The following CACNG2 variants were observed in gnomAD, a reference collection of about 807,000 sequenced individuals.
CACNG2 encodes the protein calcium voltage-gated channel auxiliary subunit gamma 2.
CACNG2 carries 3 observed loss-of-function variants against 25.9 expected under a neutral mutation model. That is an observed-to-expected ratio of 0.12 (90% CI 0.05 to 0.30). The LOEUF (loss-of-function observed/expected upper bound fraction) is 0.30, where lower values mean the gene tolerates loss of function less well. Ranked by LOEUF, CACNG2 falls within the 10% of genes least tolerant of loss-of-function variation. CACNG2 has a pLI of 1.00. For synonymous variants in CACNG2, 167 were observed against 173.3 expected (o/e 0.96, Z 0.29); for missense variants, 341 against 432.5 (o/e 0.79, Z 1.88).
At chr22:36,650,078 C>T (rs912124983) in intron 1 of CACNG2, among the ~76,000 whole-genome samples, 2 of 152,236 alleles carry the variant, frequency 1.3e-5, no homozygotes, top group African/African-American at 2.4e-5. Flanking sequence ...CCTCCTTTGC[C>T]TTTCTGCTTC....
chr22:36,681,476 C>A (rs1937123959), intron 1 of CACNG2, among the ~76,000 whole-genome samples: 1 of 152,218 alleles, frequency 6.6e-6, no homozygotes, highest in African/African-American at 2.4e-5. Flanking sequence ...ACATTGTTGA[C>A]ATCCTGTAAA....
intron 1 of CACNG2, among the ~76,000 whole-genome samples, chr22:36,651,708 A>T (rs1456037509): frequency 6.6e-6 from 1 of 152,062 alleles, no homozygotes; most frequent in African/African-American, 2.4e-5. Flanking sequence ...ATATTACTGT[A>T]ACCCCCTGTG....
chr22:36,596,566 T>C (rs1935681577), intron 1 of CACNG2, among the ~76,000 whole-genome samples: 1 of 152,136 alleles, frequency 6.6e-6, no homozygotes, highest in Non-Finnish European at 1.5e-5. Flanking sequence ...ATGCCTACTG[T>C]GTGCTAGGCA....
chr22:36,623,714 A>AATG (rs923433985), intron 1 of CACNG2, among the ~76,000 whole-genome samples: 6 of 151,982 alleles, frequency 3.9e-5, no homozygotes, highest in African/African-American at 9.7e-5. Context: ...AACTGACAAT[A>AATG]ATGATGATGA....
At chr22:36,680,668 CTT>C (rs1937105142) in intron 1 of CACNG2, among the ~76,000 whole-genome samples, 2 of 135,600 alleles carry the variant, frequency 1.5e-5, no homozygotes, top group Non-Finnish European at 3.2e-5. Flanking sequence ...TCACCACCAT[CTT>C]CATGATCACT....
intron 1 of CACNG2, among the ~76,000 whole-genome samples, chr22:36,700,916 C>G (rs564373674): frequency 6.6e-6 from 1 of 152,152 alleles, no homozygotes; most frequent in African/African-American, 2.4e-5. Context: ...ATCACTCAAC[C>G]GTTTGCACCA....
At chr22:36,625,020 C>A (rs1936163264) in intron 1 of CACNG2, among the ~76,000 whole-genome samples, 1 of 8,048 alleles carries the variant, frequency 1.2e-4, no homozygotes, top group Non-Finnish European at 2.3e-4. Flanking sequence ...GAGTGAGACT[C>A]TGTCTCAAAA....
chr22:36,609,744 C>T (rs1316094320), intron 1 of CACNG2, among the ~76,000 whole-genome samples: 5 of 137,758 alleles, frequency 3.6e-5, no homozygotes, highest in Admixed American at 7.6e-5. Flanking sequence ...TGGGAGGAAT[C>T]AGCCAACAGA....
intron 2 of CACNG2, among the ~76,000 whole-genome samples, chr22:36,581,856 C>T (rs6000333): frequency 0.028 from 4,189 of 152,250 alleles, 222 homozygotes; most frequent in African/African-American, 0.096. Flanking sequence ...ATACCGAGCC[C>T]GTGACATTGT....
intron 1 of CACNG2, among the ~76,000 whole-genome samples, chr22:36,675,627 C>A (rs1341989328): frequency 6.6e-6 from 1 of 152,218 alleles, no homozygotes; most frequent in African/African-American, 2.4e-5. Context: ...CCAATGTCAC[C>A]CCACCAGGGG....
chr22:36,668,338 A>G (rs929900206), intron 1 of CACNG2, among the ~76,000 whole-genome samples: 6 of 152,216 alleles, frequency 3.9e-5, no homozygotes, highest in Non-Finnish European at 2.9e-5. Context: ...TAGAATATAT[A>G]TAGAGAGATA....
chr22:36,613,977 T>C (rs1168632657), intron 1 of CACNG2, among the ~76,000 whole-genome samples: 1 of 152,114 alleles, frequency 6.6e-6, no homozygotes, highest in East Asian at 1.9e-4. Flanking sequence ...CCCTGCACTC[T>C]CAGAACACCC....
chr22:36,586,728 A>G (rs960739178), intron 2 of CACNG2, among the ~76,000 whole-genome samples: 3 of 125,308 alleles, frequency 2.4e-5, no homozygotes, highest in Admixed American at 8.5e-5. Context: ...TGGCCTGAGA[A>G]CCTCGGCTTT....
intron 1 of CACNG2, among the ~76,000 whole-genome samples, chr22:36,633,751 A>T (rs576160565): frequency 1.3e-5 from 2 of 152,368 alleles, no homozygotes; most frequent in East Asian, 3.9e-4. Flanking sequence ...GCTTTAGAAC[A>T]GGAATATGTA....
chr22:36,677,399 G>A (rs528425346), intron 1 of CACNG2, among the ~76,000 whole-genome samples: 1 of 152,100 alleles, frequency 6.6e-6, no homozygotes, highest in Non-Finnish European at 1.5e-5. Context: ...AAGCTTTCTC[G>A]GGTCCACGGG....
In CACNG2 at chr22:36,606,883, C is replaced by CTG. The variant is rs949812239; in HGVS notation, c.212-19337_212-19336dup. Among the ~76,000 whole-genome samples, 2 of 148,004 alleles carry CTG rather than the reference C, an allele frequency of 1.4e-5. No homozygotes were observed. Among genetic ancestry groups the CTG allele is most frequent in the African/African-American group, 2.5e-5 (1 of 39,984 alleles). ...TACGTGTGTATGTCTGTGTGTGAGT[C>CTG]TGTGTGTGTGTCTGTGGTGTGTGTA... On this transcript the variant is annotated intron_variant, in intron 1 of 3. Transcript: ENST00000300105. The surrounding 1 kb of genome is among the most constrained non-coding windows in gnomAD (Gnocchi z 5.7).
chr22:36,586,286 C>T (rs931983596), intron 2 of CACNG2, among the ~76,000 whole-genome samples: 2 of 152,246 alleles, frequency 1.3e-5, no homozygotes, highest in Non-Finnish European at 2.9e-5. Context: ...CAGCCCCACC[C>T]CAGACACAGT....
chr22:36,610,506 C>T (rs1202350987), intron 1 of CACNG2, among the ~76,000 whole-genome samples: 2 of 152,210 alleles, frequency 1.3e-5, no homozygotes. Flanking sequence ...GAGTGATTGA[C>T]TAATTGAATA....
At chr22:36,613,117 T>C (rs114756575) in intron 1 of CACNG2, among the ~76,000 whole-genome samples, 2,502 of 151,824 alleles carry the variant, frequency 0.016, 70 homozygotes, top group African/African-American at 0.057. Context: ...GGGAATATAG[T>C]GCTCAATGTT....
Sources: gnomAD v4.1 joint callset for allele counts (sites outside exome capture counted in the v4.1 genomes callset) on GRCh38, gnomAD v4.1.1 for gene constraint, Gnocchi (gnomAD v3.1) non-coding constraint, MANE v1.5 for transcripts, NCBI Gene and HGNC (gene_info 2026-07-23, HGNC 2026-07-21) for gene names.